Variants in KIF26B observed in about 807,000 individuals in gnomAD.
KIF26B encodes kinesin-like protein KIF26B.
A neutral mutation model predicts 151.2 loss-of-function variants in KIF26B; 63 were observed. That is an observed-to-expected ratio of 0.42 (90% CI 0.34 to 0.51). KIF26B has a LOEUF of 0.51. KIF26B is among the 20% of genes least tolerant of loss of function. The pLI, the probability that KIF26B is intolerant of heterozygous loss-of-function variation, is 0.07. For missense variants in KIF26B, 2,813 were observed against 2,913.6 expected (o/e 0.97, Z 0.79); for synonymous variants, 1,357 against 1,262.1 (o/e 1.08, Z -1.59).
chr1:245,300,534 C>CT (rs199923880), intron 2 of KIF26B, among the ~76,000 whole-genome samples: 1,658 of 144,722 alleles, frequency 0.011, 25 homozygotes, highest in East Asian at 0.063. Context: ...TTTCTTTTTT[C>CT]TTTTTTTTTT....
intron 2 of KIF26B, among the ~76,000 whole-genome samples, chr1:245,179,216 TAAAGAG>T (rs2103526470): frequency 6.6e-6 from 1 of 152,350 alleles, no homozygotes; most frequent in East Asian, 1.9e-4. Context: ...GAGAATGCTT[TAAAGAG>T]AAAGATCCAC....
chr1:245,562,563 A>C (rs2103117465), intron 5 of KIF26B, among the ~76,000 whole-genome samples: 1 of 151,094 alleles, frequency 6.6e-6, no homozygotes, highest in East Asian at 2.1e-4. Context: ...TACTGAATCT[A>C]CCTGTCCGCA....
chr1:245,608,613 A>C lies in KIF26B; in HGVS notation c.1652-653A>C, dbSNP rs201460270. 2.0e-5 allele frequency among the ~76,000 whole-genome samples: 3 copies of C among 152,202 alleles called. No homozygotes were observed. In the East Asian group the frequency reaches 5.8e-4, roughly 29 times the overall value. ...TGTGGACTTAATCTGGGGGGTAACT[A>C]TAAAAAGAACCATAATGATGATGAA... On this transcript the variant is annotated intron_variant, in intron 7 of 14. Transcript: ENST00000407071.
chr1:245,679,670 T>A (rs1333772007), intron 10 of KIF26B, among the ~76,000 whole-genome samples: 1 of 152,018 alleles, frequency 6.6e-6, no homozygotes, highest in African/African-American at 2.4e-5. Context: ...GGTTTCACCA[T>A]GTTGGCCAGG....
rs181294476 is a variant in KIF26B at position 245,205,219 on chromosome 1, G to A, written c.465+48536G>A. 1.4e-3 allele frequency among the ~76,000 whole-genome samples: 216 copies of A among 152,264 alleles called. 1 individual carries two copies. The highest frequency in any genetic ancestry group is 5.1e-3 in the African/African-American group (211 of 41,540). On this transcript the variant is annotated intron_variant, in intron 2 of 14. Transcript: ENST00000407071. ...GCCTTTCTGATCCACTGGCTTTTGT[G>A]CATACCAGGGTATGACATCGTGTTA...
intron 3 of KIF26B, among the ~76,000 whole-genome samples, chr1:245,418,099 C>T (rs969266221): frequency 6.6e-6 from 1 of 152,230 alleles, no homozygotes; most frequent in Non-Finnish European, 1.5e-5. Flanking sequence ...TGACGGTGTG[C>T]ATCGCCACAT....
At chr1:245,459,752 A>G (rs936848947) in intron 4 of KIF26B, among the ~76,000 whole-genome samples, 3 of 152,128 alleles carry the variant, frequency 2.0e-5, no homozygotes, top group Non-Finnish European at 2.9e-5. Flanking sequence ...AAAAGTGGAT[A>G]AAAACCCAAT....
At chr1:245,591,550 T>C (rs1035861190) in intron 5 of KIF26B, among the ~76,000 whole-genome samples, 2 of 152,176 alleles carry the variant, frequency 1.3e-5, no homozygotes, top group Admixed American at 6.5e-5. Context: ...CCAGAGCCTG[T>C]GCCCCCAAGC....
chr1:245,313,200 A>G (rs1671697689), intron 2 of KIF26B, among the ~76,000 whole-genome samples: 1 of 152,136 alleles, frequency 6.6e-6, no homozygotes, highest in South Asian at 2.1e-4. Flanking sequence ...AGATGGATTG[A>G]CACTGCACCT....
intron 2 of KIF26B, among the ~76,000 whole-genome samples, chr1:245,189,413 T>A (rs1269080151): frequency 5.9e-5 from 9 of 152,212 alleles, no homozygotes. Flanking sequence ...AACATTTCCA[T>A]AACAAAACAG....
intron 2 of KIF26B, among the ~76,000 whole-genome samples, chr1:245,256,005 A>G (rs371122497): frequency 6.6e-6 from 1 of 152,156 alleles, no homozygotes; most frequent in Non-Finnish European, 1.5e-5. Context: ...ACTTAAAGCC[A>G]CTGTAAGGAA....
intron 2 of KIF26B, among the ~76,000 whole-genome samples, chr1:245,175,982 A>C (rs1265639294): frequency 4.0e-5 from 6 of 148,238 alleles, no homozygotes; most frequent in Non-Finnish European, 6.0e-5. Context: ...ACATCTATAT[A>C]TATAGATATA....
chr1:245,458,004 C>T (rs542932653), intron 4 of KIF26B, among the ~76,000 whole-genome samples: 69 of 152,344 alleles, frequency 4.5e-4, no homozygotes, highest in African/African-American at 1.7e-3. Flanking sequence ...TAAATACCTG[C>T]ATTTCCCCCA....
intron 5 of KIF26B, among the ~76,000 whole-genome samples, chr1:245,565,084 C>G (rs2042996290): frequency 6.6e-6 from 1 of 152,150 alleles, no homozygotes; most frequent in African/African-American, 2.4e-5. Flanking sequence ...CTGCAATGAG[C>G]TATGATTGTG....
At chr1:245,257,601 C>A (rs1324495274) in intron 2 of KIF26B, among the ~76,000 whole-genome samples, 1 of 152,204 alleles carries the variant, frequency 6.6e-6, no homozygotes, top group East Asian at 1.9e-4. Flanking sequence ...AAAAGCTTTG[C>A]TGCACATCAG....
At chr1:245,592,543 A>T (rs1401559754) in intron 5 of KIF26B, among the ~76,000 whole-genome samples, 1 of 152,228 alleles carries the variant, frequency 6.6e-6, no homozygotes, top group Non-Finnish European at 1.5e-5. Flanking sequence ...AGATTTGTAA[A>T]ACTTGTAAAG....
intron 9 of KIF26B, among the ~76,000 whole-genome samples, chr1:245,640,148 T>TATATATATATATATATATATATATAC (rs1274131414): frequency 6.3e-4 from 54 of 85,298 alleles, no homozygotes; most frequent in Admixed American, 1.1e-3. Flanking sequence ...TCTCTCTATA[T>TATATATATATATATATATATATATAC]ATATATATAT....
chr1:245,689,778 G>A lies in KIF26B; in HGVS notation c.5824+971G>A, dbSNP rs144333871. ...TTACCATGTTGACCAGGCTGGTCTCGAACTCCTGACCTCAAGTGATCCGCC... is the reference window on the plus strand; with the variant it reads ...TTACCATGTTGACCAGGCTGGTCTCAAACTCCTGACCTCAAGTGATCCGCC... On this transcript the variant is annotated intron_variant, in intron 12 of 14. Coordinates refer to ENST00000407071, the MANE Select transcript of KIF26B (RefSeq NM_018012.4). Among the ~76,000 whole-genome samples, 735 of 152,150 alleles carry A rather than the reference G, an allele frequency of 4.8e-3. 3 individuals carry two copies. The highest frequency in any genetic ancestry group is 5.8e-3 in the Non-Finnish European group (392 of 68,000).
At chr1:245,695,380 A>C (rs917645474) in intron 12 of KIF26B, among the ~76,000 whole-genome samples, 16 of 152,010 alleles carry the variant, frequency 1.1e-4, no homozygotes, top group African/African-American at 3.9e-4. Flanking sequence ...GGCTTCCCTC[A>C]CCATCACCTA....
Sources: allele counts gnomAD v4.1 joint callset (sites outside exome capture counted in the v4.1 genomes callset), GRCh38; gene constraint gnomAD v4.1.1; transcripts MANE v1.5; gene names NCBI Gene and HGNC (gene_info 2026-07-23, HGNC 2026-07-21).